PARD3: variants seen among roughly 807,000 people sequenced by gnomAD.
PARD3 encodes the protein par-3 family cell polarity regulator.
PARD3 carries 75 observed loss-of-function variants against 155.4 expected under a neutral mutation model. The ratio of observed to expected loss-of-function variants is 0.48; its 90% CI spans 0.40 to 0.58. The LOEUF is 0.58. Among genes scored for constraint, PARD3 ranks in the 20% least tolerant of loss-of-function variants. The pLI, the probability that PARD3 is intolerant of heterozygous loss-of-function variation, is 0.00. For missense variants in PARD3, 1,642 were observed against 1,721.7 expected, an observed-to-expected ratio of 0.95 and a Z score of 0.82; for synonymous variants, 576 against 610.5, an observed-to-expected ratio of 0.94 and a Z score of 0.83.
intron 1 of PARD3, among the ~76,000 whole-genome samples, chr10:34,755,519 G>C (rs571432403): frequency 6.6e-6 from 1 of 152,304 alleles, no homozygotes; most frequent in African/African-American, 2.4e-5. Flanking sequence ...CTAGCAACTT[G>C]AGAGGTCATA....
At chr10:34,657,779 TC>T (rs2093216170) in intron 2 of PARD3, among the ~76,000 whole-genome samples, 1 of 152,082 alleles carries the variant, frequency 6.6e-6, no homozygotes, top group South Asian at 2.1e-4. Flanking sequence ...CCTCAGGTGA[TC>T]CGCCTGCCTG....
chr10:34,461,047 C>T (rs1026557555), intron 4 of PARD3, among the ~76,000 whole-genome samples: 3 of 152,138 alleles, frequency 2.0e-5, no homozygotes, highest in African/African-American at 7.2e-5. Flanking sequence ...ATGGAAACCA[C>T]TTCTACTACC....
intron 1 of PARD3, among the ~76,000 whole-genome samples, chr10:34,733,738 G>A (rs1293076627): frequency 6.6e-6 from 1 of 152,222 alleles, no homozygotes; most frequent in Non-Finnish European, 1.5e-5. Flanking sequence ...GACCTCAGGT[G>A]ATCCGCTGGT....
At chr10:34,137,057 ACTC>A (rs1199978701) in intron 22 of PARD3, among the ~76,000 whole-genome samples, 5 of 151,660 alleles carry the variant, frequency 3.3e-5, no homozygotes, top group African/African-American at 1.2e-4. Context: ...ACCTTTATGC[ACTC>A]CTCTACCCTT....
rs1347395458 is a variant in PARD3, at chr10:34,331,126, T to G, written c.2824A>C (p.Met942Leu). ...GCCATTATAAACTTACAGGTCTCCATGCCTTCATCATCATCATCTACCGCG... is the reference window on the plus strand; with the variant it reads ...GCCATTATAAACTTACAGGTCTCCAGGCCTTCATCATCATCATCTACCGCG... The part of the protein sequence containing the change: ...KPAVDDDDEG[M>L]ETLEEDTEES... The change falls in exon 19 of 25, where the codon ATG (methionine) becomes CTG (leucine). Residue 942 changes from methionine to leucine, a missense_variant. By Grantham distance (15) the Met-to-Leu change is conservative (BLOSUM62 2). Around this residue, in one of 3 missense-constraint regions of PARD3, gnomAD observed 1,529 missense variants for 1,587.3 expected, o/e 0.96. Transcript: ENST00000374788. The G allele has an allele frequency of 4.3e-6, 7 of 1,612,394 alleles. No homozygotes were observed.
At chr10:34,674,460 A>G (rs926002707) in intron 2 of PARD3, among the ~76,000 whole-genome samples, 1 of 139,566 alleles carries the variant, frequency 7.2e-6, no homozygotes, top group Non-Finnish European at 1.5e-5. Flanking sequence ...GTTTTCTTCT[A>G]CCACCTGCAC....
chr10:34,709,400 C>T (rs1175605805), intron 1 of PARD3, among the ~76,000 whole-genome samples: 3 of 152,180 alleles, frequency 2.0e-5, no homozygotes, highest in Admixed American at 1.3e-4. Flanking sequence ...GATGCTCCAC[C>T]TGTATACACA....
chr10:34,394,335 TTTTG>T (rs1227450921), intron 7 of PARD3, among the ~76,000 whole-genome samples: 1 of 152,144 alleles, frequency 6.6e-6, no homozygotes, highest in African/African-American at 2.4e-5. Flanking sequence ...CTTATTTTGT[TTTTG>T]TTTAAGACAG....
chr10:34,587,439 GA>G (rs1317896742), intron 2 of PARD3, among the ~76,000 whole-genome samples: 2 of 152,124 alleles, frequency 1.3e-5, no homozygotes, highest in Non-Finnish European at 2.9e-5. Flanking sequence ...TGATGATGAT[GA>G]TTGTTCCCCT....
rs554015568 is a variant in PARD3 at position 34,340,298 on chromosome 10, T to G, written c.2408+1329A>C. Among the ~76,000 whole-genome samples the G allele has an allele frequency of 3.9e-5, 6 of 152,344 alleles. No homozygotes were observed. The South Asian group carries it at 1.2e-3, about 32-fold the overall frequency. ...GTAGAGATTTAAAGGCTTTTGTCCC[T>G]AAGATGAACACTGCGTCTATCTAAT... On this transcript the variant is annotated intron_variant, in intron 16 of 24. Transcript: ENST00000374788.
intron 22 of PARD3, among the ~76,000 whole-genome samples, chr10:34,258,696 A>T (rs1020607833): frequency 2.0e-5 from 3 of 152,156 alleles, no homozygotes; most frequent in South Asian, 2.1e-4. Context: ...AGTGGTCCAG[A>T]GCTATTTCCC....
At chr10:34,353,392 G>A (rs907278765) in intron 14 of PARD3, among the ~76,000 whole-genome samples, 1 of 152,194 alleles carries the variant, frequency 6.6e-6, no homozygotes, top group South Asian at 2.1e-4. Flanking sequence ...TCTGCCTTGG[G>A]ATGCTGTTAA....
Position 34,732,779 on chromosome 10 carries a change from G to A in PARD3, c.121-36360C>T, listed in dbSNP as rs897393592. Among the ~76,000 whole-genome samples, 6 of 152,160 alleles carry A rather than the reference G, an allele frequency of 3.9e-5. 1 individual carries two copies. In the South Asian group the frequency reaches 6.2e-4, roughly 16 times the overall value. ...AAAATTCATATAGAATTTACGTTAC[G>A]CCATAATATTTGCCTTTGCAATACG... On this transcript the variant is annotated intron_variant, in intron 1 of 24. Transcript: ENST00000374788.
At chr10:34,534,157 T>G (rs531440758) in intron 2 of PARD3, among the ~76,000 whole-genome samples, 1 of 151,426 alleles carries the variant, frequency 6.6e-6, no homozygotes, top group South Asian at 2.1e-4. Flanking sequence ...TCCCAGCTAC[T>G]CGGGAGGCTG....
chr10:34,368,029 G>C (rs567566088), intron 12 of PARD3, among the ~76,000 whole-genome samples: 19 of 152,190 alleles, frequency 1.2e-4, no homozygotes, highest in East Asian at 7.8e-4. Context: ...ATGGTGGGTG[G>C]ATTGCTGAAG....
At chr10:34,304,338 TAA>T (rs138887087) in intron 20 of PARD3, among the ~76,000 whole-genome samples, 11 of 135,750 alleles carry the variant, frequency 8.1e-5, no homozygotes, top group African/African-American at 1.6e-4. Context: ...TCTACAAAAT[TAA>T]AAAAAAAAAA....
rs566788689 is a variant in PARD3, at chr10:34,482,276, C to A, written c.404-12013G>T. 8.0e-4 allele frequency among the ~76,000 whole-genome samples: 121 copies of A among 152,150 alleles called. 1 individual carries two copies. In the South Asian group the frequency reaches 0.024, roughly 31 times the overall value. On this transcript the variant is annotated intron_variant, in intron 3 of 24. Coordinates refer to ENST00000374788, the MANE Select transcript of PARD3 (RefSeq NM_001184785.2). ...TCTTGAACTCCTGGCCTCAAGTTAT[C>A]CTCCCGCCTCAGCCTACCAAAGTGC...
intron 2 of PARD3, among the ~76,000 whole-genome samples, chr10:34,656,590 T>C (rs2133104204): frequency 6.6e-6 from 1 of 152,322 alleles, no homozygotes; most frequent in Middle Eastern, 3.4e-3. Context: ...CCAAAAGGAT[T>C]TGCTTATTGT....
intron 23 of PARD3, among the ~76,000 whole-genome samples, chr10:34,123,803 G>A (rs889644864): frequency 6.6e-6 from 1 of 151,848 alleles, no homozygotes; most frequent in African/African-American, 2.4e-5. Flanking sequence ...AATAAAAATA[G>A]AAAAAAATGA....
Sources: gnomAD v4.1 joint callset for allele counts (sites outside exome capture counted in the v4.1 genomes callset) on GRCh38, gnomAD v4.1.1 for gene constraint, gnomAD v4.1.1 regional missense constraint, MANE v1.5 for transcripts, NCBI Gene and HGNC (gene_info 2026-07-23, HGNC 2026-07-21) for gene names.